The following TMEM100 variants were observed in gnomAD, a reference collection of about 807,000 sequenced individuals.
The protein encoded by TMEM100 is transmembrane protein 100.
For synonymous variants in TMEM100, 61 were observed against 67.1 expected, an observed-to-expected ratio of 0.91 and a Z score of 0.44; for missense variants, 137 against 168.2, an observed-to-expected ratio of 0.81 and a Z score of 1.02.
chr17:55,732,065 G>A (rs1263742346), exon 1 of TMEM100: 6 of 152,334 alleles, frequency 3.9e-5, no homozygotes, highest in East Asian at 1.9e-4. Context: ...AGCATGTACC[G>A]CGGGACCAAC....
intron 1 of TMEM100, among the ~76,000 whole-genome samples, 163 bp from the exon 2 acceptor site, chr17:55,721,298 A>G (rs1908879318): frequency 6.6e-6 from 1 of 152,226 alleles, no homozygotes. Flanking sequence ...GCATTTAGGC[A>G]AAAAATAAGA....
rs148516474 is a variant in TMEM100 at position 55,731,393 on chromosome 17, G to A, written c.-359+278C>T. Among the ~76,000 whole-genome samples, 5 of 152,136 alleles carry A rather than the reference G, an allele frequency of 3.3e-5. No individual in the cohort carries two copies. The South Asian group carries it at 8.3e-4, about 25-fold the overall frequency. ...TAAAATTAGCCATTAACTGAAAGTC[G>A]AGAAACTTGAGTTTGATTCTTTTCC... On this transcript the variant is annotated intron_variant, in intron 1 of 3. Transcript: ENST00000575734.
rs1424259177 is a variant in TMEM100 at position 55,728,964 on chromosome 17, C to T, written c.-358-982G>A. Among the ~76,000 whole-genome samples, 10 of 152,176 alleles carry T rather than the reference C, an allele frequency of 6.6e-5. No individual in the cohort carries two copies. In the East Asian group the frequency reaches 1.2e-3, roughly 18 times the overall value. On this transcript the variant is annotated intron_variant, in intron 1 of 3. Coordinates refer to the TMEM100 transcript ENST00000575734. ...TCTTCTACAAAGAGCACTGAGTAGC[C>T]TGTTTGGCAGAATTTTAAAGAGCAC...
intron 1 of TMEM100, among the ~76,000 whole-genome samples, chr17:55,729,951 T>C (rs1909163906): frequency 6.6e-6 from 1 of 152,210 alleles, no homozygotes; most frequent in African/African-American, 2.4e-5. Flanking sequence ...GGAAGGAATA[T>C]ATAGAAGGTT....
rs750262557 is a variant in TMEM100 at position 55,720,730 on chromosome 17, T to C, written c.341A>G (p.Lys114Arg). 2 of 1,614,166 alleles carry C rather than the reference T, an allele frequency of 1.2e-6. No homozygotes were observed. The highest frequency in any genetic ancestry group is 1.7e-5 in the Admixed American group (1 of 60,012). Residue 114 changes from lysine (K) to arginine (R), a missense_variant, in exon 2 of 2, where the codon AAG (lysine) becomes AGG (arginine). Transcript: ENST00000424486. ...ALCWKVRQRS[K>R]KAKRRESQTA... is the part of the protein sequence containing the mutation. Reference sequence around the variant, plus strand: ...TTGACTCTCCCGTCTCTTGGCTTTCTTGCTCCTTTGTCTCACTTTCCAGCA... The same window carrying C: ...TTGACTCTCCCGTCTCTTGGCTTTCCTGCTCCTTTGTCTCACTTTCCAGCA...
At chr17:55,723,602 G>A (rs1192297869), upstream of TMEM100, among the ~76,000 whole-genome samples, 1 of 152,162 alleles carries the variant, frequency 6.6e-6, no homozygotes, top group Non-Finnish European at 1.5e-5. Flanking sequence ...GTTCATAAAT[G>A]AGGAAACAGG....
upstream of TMEM100, among the ~76,000 whole-genome samples, chr17:55,727,363 C>T (rs149275582): frequency 1.2e-4 from 19 of 152,334 alleles, no homozygotes; most frequent in African/African-American, 4.3e-4. Flanking sequence ...AAGACAAATG[C>T]ACACTCCTAG....
At position 55,720,907 on chromosome 17, in the gene TMEM100, C is replaced by T. The variant is rs746630975; in HGVS notation, c.164G>A (p.Arg55His). 2.1e-5 allele frequency: 34 copies of T among 1,614,076 alleles called. No homozygotes were observed. Among genetic ancestry groups the T allele is most frequent in the South Asian group, 6.6e-5 (6 of 91,092 alleles). The change falls in exon 2 of 2, where the codon CGC becomes CAC. Residue 55 changes from arginine to histidine, a missense_variant. Physicochemically the swap from Arg to His is conservative, Grantham distance 29 (BLOSUM62 0). Coordinates refer to ENST00000424486, the MANE Select transcript of TMEM100 (RefSeq NM_018286.3). ...AACCACAGCAAAGGGGATGATGCAG[C>T]GGTAGCAGGAGAGCTCGGTACCCCC... is the stretch of plus-strand genomic sequence containing the variant. ...ATGGTELSCY[R>H]CIIPFAVVVF...
intron 1 of TMEM100, among the ~76,000 whole-genome samples, chr17:55,729,404 G>A (rs144819391): frequency 3.3e-4 from 51 of 152,282 alleles, no homozygotes; most frequent in African/African-American, 1.2e-3. Context: ...GCTGTGAGCA[G>A]AAATAGGTCA....
chr17:55,727,374 G>A (rs1398556847), upstream of TMEM100, among the ~76,000 whole-genome samples: 5 of 152,198 alleles, frequency 3.3e-5, no homozygotes, highest in Non-Finnish European at 7.3e-5. Context: ...ACACTCCTAG[G>A]GTCAGCCTCC....
upstream of TMEM100, among the ~76,000 whole-genome samples, chr17:55,727,333 G>A (rs1383296159): frequency 4.6e-5 from 7 of 152,204 alleles, no homozygotes; most frequent in Non-Finnish European, 1.0e-4. Flanking sequence ...ACCTCAAAAT[G>A]GGCTGACACT....
rs747094386 is a variant in TMEM100 at position 55,720,656 on chromosome 17, G to A, written c.*10C>T. 46 of 1,587,442 alleles carry A rather than the reference G, an allele frequency of 2.9e-5. No individual in the cohort carries two copies. Among genetic ancestry groups the A allele is most frequent in the Middle Eastern group, 1.7e-4 (1 of 5,878 alleles). On this transcript the variant is annotated 3_prime_UTR_variant, in exon 2 of 2. Coordinates refer to ENST00000424486, the MANE Select transcript of TMEM100 (RefSeq NM_018286.3). ...TCCAGGCCCAATGGCCCATTTGGTC[G>A]TATTCAGTCTCAAGCAAACAAGCTT...
upstream of TMEM100, chr17:55,727,681 T>C (rs1909105765): frequency 6.6e-6 from 1 of 152,182 alleles, no homozygotes; most frequent in Admixed American, 6.5e-5. Context: ...AATCTGATAC[T>C]GGAAATTGGA....
chr17:55,728,359 G>A (rs1688650006), intron 1 of TMEM100, among the ~76,000 whole-genome samples: 1 of 152,164 alleles, frequency 6.6e-6, no homozygotes, highest in African/African-American at 2.4e-5. Context: ...TGGGAAAAGT[G>A]CTCTGAAAAG....
rs1028608620 is a variant in TMEM100, at chr17:55,720,096, G to A, written c.*570C>T. 6.6e-6 allele frequency: 1 copy of A among 152,544 alleles called. No homozygotes were observed. The highest frequency in any genetic ancestry group is 1.5e-5 in the Non-Finnish European group (1 of 68,166). 9.4% of individuals were successfully genotyped at this position (152,544 alleles called of 1,614,324 possible). On this transcript the variant is annotated 3_prime_UTR_variant, in exon 2 of 2. Coordinates refer to ENST00000424486, the MANE Select transcript of TMEM100 (RefSeq NM_018286.3). Reference sequence around the variant, plus strand: ...TACATCATTACAACTGGCTAACACTGTCCAATGTTAAAATATAAAAAATAT... The same window carrying A: ...TACATCATTACAACTGGCTAACACTATCCAATGTTAAAATATAAAAAATAT...
exon 1 of TMEM100, chr17:55,731,911 A>C (rs779162941): frequency 6.6e-6 from 1 of 152,258 alleles, no homozygotes; most frequent in Non-Finnish European, 1.5e-5. Context: ...CAGAACTCAC[A>C]CTTGTGGAGC....
chr17:55,728,736 A>G (rs1157279576), intron 1 of TMEM100, among the ~76,000 whole-genome samples: 10 of 152,204 alleles, frequency 6.6e-5, no homozygotes, highest in Admixed American at 5.2e-4. Context: ...CTTTTCTTGA[A>G]GGAATAACAA....
chr17:55,719,840 C>T lies in TMEM100; in HGVS notation c.*826G>A, dbSNP rs540010378. The T allele has an allele frequency of 6.6e-6, 1 of 152,496 alleles. No homozygotes were observed. The highest frequency in any genetic ancestry group is 1.5e-5 in the Non-Finnish European group (1 of 68,036). The allele number at this position is 152,496 out of a possible 1,614,324, so 9.4% of individuals were successfully genotyped here. A position where few individuals can be genotyped will look rare whatever the true frequency, so the allele number is the denominator to read the frequency against. ...TGAGAGAAATACAATTGAGAACTTGCAAATGAGACAAGGGAAGATGGCAAT... is the reference window on the plus strand; with the variant it reads ...TGAGAGAAATACAATTGAGAACTTGTAAATGAGACAAGGGAAGATGGCAAT... On this transcript the variant is annotated 3_prime_UTR_variant, in exon 2 of 2. Transcript: ENST00000424486.
At position 55,720,735 on chromosome 17, in the gene TMEM100, C is replaced by T; in HGVS notation, c.336G>A (p.Arg112=). The T allele has an allele frequency of 1.2e-6, 2 of 1,614,148 alleles. No individual in the cohort carries two copies. Among genetic ancestry groups the T allele is most frequent in the Non-Finnish European group, 1.7e-6 (2 of 1,180,014 alleles). Residue 112 remains arginine, a synonymous_variant, in exon 2 of 2, where the codon AGG becomes AGA. Transcript: ENST00000424486. ...TCTCCCGTCTCTTGGCTTTCTTGCT[C>T]CTTTGTCTCACTTTCCAGCACAAGG... ...SSALCWKVRQ[R]SKKAKRRESQ...
Sources: allele counts gnomAD v4.1 joint callset (sites outside exome capture counted in the v4.1 genomes callset), GRCh38; gene constraint gnomAD v4.1.1; transcripts MANE v1.5; gene names NCBI Gene and HGNC (gene_info 2026-07-23, HGNC 2026-07-21).